ARB2A: variants seen among roughly 807,000 people sequenced by gnomAD.
The protein encoded by ARB2A is cotranscriptional regulator ARB2A.
At chr5:94,058,381 A>T in the ARB2A span, among the ~76,000 whole-genome samples, 13 of 152,140 alleles carry the variant, frequency 8.5e-5, no homozygotes, top group Non-Finnish European at 1.5e-4. Context: ...AAAAATCATG[A>T]TCCATAAACA....
the ARB2A span, among the ~76,000 whole-genome samples, chr5:93,952,396 T>C: frequency 6.6e-6 from 1 of 152,178 alleles, no homozygotes; most frequent in Non-Finnish European, 1.5e-5. Context: ...AAAGTTGTTA[T>C]TTCTCTCTCC....
the ARB2A span, among the ~76,000 whole-genome samples, chr5:93,789,537 T>G: frequency 6.6e-6 from 1 of 152,236 alleles, no homozygotes; most frequent in South Asian, 2.1e-4. Flanking sequence ...ATTCAGTGCT[T>G]CTACTTCAGT....
the ARB2A span, among the ~76,000 whole-genome samples, chr5:93,690,861 GCTGTT>G: frequency 8.5e-5 from 13 of 152,264 alleles, no homozygotes; most frequent in South Asian, 2.7e-3. Context: ...AGCAATCCTT[GCTGTT>G]CTGCAGCCTC....
chr5:93,754,403 A>C, the ARB2A span, among the ~76,000 whole-genome samples: 1 of 152,216 alleles, frequency 6.6e-6, no homozygotes. Context: ...TCCTGTACAC[A>C]ATGACAACTC....
the ARB2A span, among the ~76,000 whole-genome samples, chr5:93,967,783 G>T: frequency 2.6e-5 from 4 of 152,042 alleles, no homozygotes; most frequent in South Asian, 8.3e-4. Flanking sequence ...TATTTTACCA[G>T]AACCTAGCTG....
the ARB2A span, among the ~76,000 whole-genome samples, chr5:93,774,109 T>C: frequency 6.6e-6 from 1 of 152,184 alleles, no homozygotes; most frequent in African/African-American, 2.4e-5. Context: ...CTACTGTAAT[T>C]GTTTTGAGGT....
At chr5:93,907,544 C>G in the ARB2A span, among the ~76,000 whole-genome samples, 1 of 151,192 alleles carries the variant, frequency 6.6e-6, no homozygotes. Context: ...TTTTGGTTTA[C>G]AAAGATGGAA....
chr5:93,965,700 A>C, the ARB2A span, among the ~76,000 whole-genome samples: 1 of 152,074 alleles, frequency 6.6e-6, no homozygotes, highest in South Asian at 2.1e-4. Context: ...TACCTCAGAG[A>C]ATAATTTTAG....
chr5:93,963,353 G>A, the ARB2A span, among the ~76,000 whole-genome samples: 2 of 151,950 alleles, frequency 1.3e-5, no homozygotes, highest in Admixed American at 1.3e-4. Flanking sequence ...TGATGTAGCT[G>A]TTACACAGAA....
At chr5:93,976,254 G>A in the ARB2A span, among the ~76,000 whole-genome samples, 68 of 152,048 alleles carry the variant, frequency 4.5e-4, no homozygotes, top group African/African-American at 1.4e-3. Context: ...ACTAGCCATC[G>A]AAGGAACACA....
At chr5:94,064,479 G>A in the ARB2A span, among the ~76,000 whole-genome samples, 1 of 152,158 alleles carries the variant, frequency 6.6e-6, no homozygotes, top group Non-Finnish European at 1.5e-5. Flanking sequence ...TAGGCTTCCA[G>A]ATACAAGAAG....
At chr5:93,637,520 T>A in the ARB2A span, among the ~76,000 whole-genome samples, 82 of 152,314 alleles carry the variant, frequency 5.4e-4, no homozygotes, top group Admixed American at 3.2e-3. Context: ...GTTAGTTGCA[T>A]GTTTAGTTCA....
chr5:93,949,330 A>G, the ARB2A span, among the ~76,000 whole-genome samples: 1 of 152,048 alleles, frequency 6.6e-6, no homozygotes, highest in East Asian at 2.0e-4. Context: ...TGGGAGGCCG[A>G]GACGGGCAGA....
chr5:93,945,446 G>A, the ARB2A span, among the ~76,000 whole-genome samples: 1 of 151,428 alleles, frequency 6.6e-6, no homozygotes, highest in African/African-American at 2.4e-5. Context: ...TGTAATCTAT[G>A]GAAGTACTAG....
At chr5:93,960,411 A>C in the ARB2A span, among the ~76,000 whole-genome samples, 372 of 152,220 alleles carry the variant, frequency 2.4e-3, 3 homozygotes, top group Admixed American at 7.9e-3. Flanking sequence ...GCACATACCA[A>C]GATCTAACAT....
chr5:93,983,737 G>A, the ARB2A span, among the ~76,000 whole-genome samples: 1 of 152,164 alleles, frequency 6.6e-6, no homozygotes, highest in South Asian at 2.1e-4. Flanking sequence ...TACTGGAACA[G>A]GTCAAAATCA....
chr5:93,674,479 G>C, the ARB2A span, among the ~76,000 whole-genome samples: 27 of 152,142 alleles, frequency 1.8e-4, no homozygotes, highest in African/African-American at 6.3e-4. Context: ...ATATGCTCTC[G>C]ATCTCACTTA....
the ARB2A span, among the ~76,000 whole-genome samples, chr5:94,064,950 G>T: frequency 6.6e-6 from 1 of 151,972 alleles, no homozygotes; most frequent in Non-Finnish European, 1.5e-5. Flanking sequence ...GAACTCAAAT[G>T]TTACCACTAT....
chr5:93,815,368 A>G, the ARB2A span, among the ~76,000 whole-genome samples: 2 of 152,342 alleles, frequency 1.3e-5, no homozygotes. Flanking sequence ...TGTTAGACCC[A>G]TAGTGAACAT....
Sources: gnomAD v4.1 joint callset for allele counts (sites outside exome capture counted in the v4.1 genomes callset) on GRCh38, gnomAD v4.1.1 for gene constraint, MANE v1.5 for transcripts, NCBI Gene and HGNC (gene_info 2026-07-23, HGNC 2026-07-21) for gene names.